Variants in CUL3 observed in about 807,000 individuals in gnomAD.
The protein encoded by CUL3 is cullin 3, also known as cullin-3.
CUL3 carries 19 observed loss-of-function variants against 89.1 expected under a neutral mutation model. The observed-to-expected ratio is 0.21, with a 90% CI of 0.15 to 0.31. The LOEUF (loss-of-function observed/expected upper bound fraction) is 0.31. Ranked by LOEUF, CUL3 falls within the 10% of genes least tolerant of loss-of-function variation. The pLI is 1.00. For synonymous variants in CUL3, 351 were observed against 308.4 expected (o/e 1.14, Z -1.45); for missense variants, 469 against 942.3 (o/e 0.50, Z 6.58).
At chr2:224,553,923 T>C (rs765735513) in intron 2 of CUL3, among the ~76,000 whole-genome samples, 2 of 152,214 alleles carry the variant, frequency 1.3e-5, no homozygotes, top group Admixed American at 6.5e-5. Flanking sequence ...GGGACCACTT[T>C]AAGCAACTTA....
intron 2 of CUL3, among the ~76,000 whole-genome samples, chr2:224,544,067 G>C (rs1051903959): frequency 2.0e-5 from 3 of 152,040 alleles, no homozygotes; most frequent in East Asian, 1.9e-4. Context: ...AACTGCCCAG[G>C]GAAGTCACTA....
At chr2:224,538,663 T>C (rs1693979633) in intron 2 of CUL3, among the ~76,000 whole-genome samples, 1 of 152,004 alleles carries the variant, frequency 6.6e-6, no homozygotes, top group Non-Finnish European at 1.5e-5. Flanking sequence ...GATAAAGAGT[T>C]GGAATTTGAG....
intron 10 of CUL3, among the ~76,000 whole-genome samples, chr2:224,500,793 T>C (rs1436273217): frequency 6.6e-6 from 1 of 151,954 alleles, no homozygotes; most frequent in Non-Finnish European, 1.5e-5. Context: ...CCTGGCTGAT[T>C]TTGTATTTTT....
In CUL3 at chr2:224,473,924, T is replaced by G. The variant is rs1367369201; in HGVS notation, c.*321A>C. 8.5e-6 allele frequency: 2 copies of G among 236,640 alleles called. No homozygotes were observed. Among genetic ancestry groups the G allele is most frequent in the Admixed American group, 5.4e-5 (1 of 18,688 alleles). 14.7% of individuals were successfully genotyped at this position (236,640 alleles called of 1,614,324 possible). On this transcript the variant is annotated 3_prime_UTR_variant, in exon 16 of 16. Coordinates refer to ENST00000264414, the MANE Select transcript of CUL3 (RefSeq NM_003590.5). Reference sequence around the variant, plus strand: ...CCTGGGGAAATGAAATCCAACAATTTTATTGTAATGAGCTGTATTTTCTAA... The same window carrying G: ...CCTGGGGAAATGAAATCCAACAATTGTATTGTAATGAGCTGTATTTTCTAA...
At chr2:224,546,500 G>T (rs776959854) in intron 2 of CUL3, among the ~76,000 whole-genome samples, 1 of 152,190 alleles carries the variant, frequency 6.6e-6, no homozygotes, top group Non-Finnish European at 1.5e-5. Context: ...ATGAACCAAG[G>T]TGGTTTCCAT....
rs541728381 is a variant in CUL3, at chr2:224,581,528, A to G, written c.66+3416T>C. Among the ~76,000 whole-genome samples, 690 of 148,720 alleles carry G rather than the reference A, an allele frequency of 4.6e-3. 5 individuals are homozygous for G. The highest frequency in any genetic ancestry group is 0.015 in the African/African-American group (586 of 40,360). ...CTTTTCTTTTTTTTTTTTTTGAGACAGTCTCACTCTGTTGCCCAGGCTGGA... is the reference window on the plus strand; with the variant it reads ...CTTTTCTTTTTTTTTTTTTTGAGACGGTCTCACTCTGTTGCCCAGGCTGGA... On this transcript the variant is annotated intron_variant, in intron 1 of 15. Transcript: ENST00000264414.
intron 3 of CUL3, among the ~76,000 whole-genome samples, chr2:224,519,506 T>TA (rs1693184686): frequency 6.6e-6 from 1 of 152,272 alleles, no homozygotes; most frequent in Admixed American, 6.5e-5. Context: ...TGTGTGATGA[T>TA]AATTAAATGA....
chr2:224,484,198 T>C (rs1450549244), intron 13 of CUL3, among the ~76,000 whole-genome samples: 1 of 151,896 alleles, frequency 6.6e-6, no homozygotes, highest in Non-Finnish European at 1.5e-5. Flanking sequence ...ATTTGATAAA[T>C]ACTAATGAAC....
intron 1 of CUL3, among the ~76,000 whole-genome samples, chr2:224,575,545 C>T (rs529363801): frequency 2.6e-5 from 4 of 152,096 alleles, no homozygotes; most frequent in Non-Finnish European, 5.9e-5. Flanking sequence ...GGCACATTAA[C>T]GTGAGAAGGA....
At chr2:224,540,620 A>G (rs1574673717) in intron 2 of CUL3, among the ~76,000 whole-genome samples, 1 of 152,304 alleles carries the variant, frequency 6.6e-6, no homozygotes, top group South Asian at 2.1e-4. Context: ...CTTCTTCAAC[A>G]TGAGTATGTT....
Position 224,476,356 on chromosome 2 carries a change from T to C in CUL3, c.2175+1844A>G, listed in dbSNP as rs549664677. Among the ~76,000 whole-genome samples, 48 of 152,328 alleles carry C rather than the reference T, an allele frequency of 3.2e-4. 1 individual carries two copies. The highest frequency in any genetic ancestry group is 3.9e-4 in the Admixed American group (6 of 15,306). On this transcript the variant is annotated intron_variant, in intron 15 of 15. Transcript: ENST00000264414. ...ATCTATAGCTGCTTTCATGCTACAATTGGCCATTTACAAAAACATCTGCCA... is the reference window on the plus strand; with the variant it reads ...ATCTATAGCTGCTTTCATGCTACAACTGGCCATTTACAAAAACATCTGCCA...
Position 224,497,860 on chromosome 2 carries a change from T to C in CUL3, c.1611-11A>G, listed in dbSNP as rs749769313. ...TTGGCTAAGTAGAACCTTCAGTAAA[T>C]CAAACCAGGTTTTAGAAAATCAAAC... On this transcript the variant is annotated splice_polypyrimidine_tract_variant and intron_variant, in intron 11 of 15. Transcript: ENST00000264414. 4 of 1,604,240 alleles carry C rather than the reference T, an allele frequency of 2.5e-6. No homozygotes were observed. In the Admixed American group the frequency reaches 6.7e-5, roughly 27 times the overall value.
intron 2 of CUL3, among the ~76,000 whole-genome samples, chr2:224,547,845 T>C (rs886283489): frequency 2.0e-5 from 3 of 152,164 alleles, no homozygotes; most frequent in Admixed American, 6.5e-5. Flanking sequence ...GTCTGTTTAA[T>C]TGACATAAAG....
intron 12 of CUL3, 122 bp downstream of exon 12, chr2:224,497,631 C>G: frequency 1.4e-6 from 1 of 703,554 alleles, no homozygotes; most frequent in Non-Finnish European, 2.4e-6. Flanking sequence ...TTTAACCTTT[C>G]TAACATGTGA....
intron 3 of CUL3, among the ~76,000 whole-genome samples, chr2:224,535,001 AAAATAAATAAATAAATAAATAAAT>A (rs201253756): frequency 0.097 from 12,978 of 133,112 alleles, 837 homozygotes; most frequent in East Asian, 0.26. Context: ...ACCCCGTCTC[AAAATAAATAAATAAATAAATAAAT>A]AAATAAATAA....
chr2:224,503,573 AT>A, intron 9 of CUL3, 78 bp downstream of exon 9: 2 of 1,185,444 alleles, frequency 1.7e-6, no homozygotes, highest in Non-Finnish European at 1.1e-6. Context: ...TACCAAATTA[AT>A]TTCCAATCAC....
chr2:224,524,731 T>C (rs1228631329), intron 3 of CUL3, among the ~76,000 whole-genome samples: 3 of 151,992 alleles, frequency 2.0e-5, no homozygotes. Context: ...CCTCCACAAT[T>C]TTTCACAAAC....
intron 2 of CUL3, among the ~76,000 whole-genome samples, chr2:224,537,938 C>T (rs1474882886): frequency 6.6e-6 from 1 of 151,858 alleles, no homozygotes; most frequent in Admixed American, 6.6e-5. Flanking sequence ...CTGATTTGTA[C>T]ATTTTATAAA....
intron 2 of CUL3, among the ~76,000 whole-genome samples, chr2:224,539,178 AAAG>A (rs755325692): frequency 3.3e-5 from 5 of 152,254 alleles, no homozygotes; most frequent in Non-Finnish European, 5.9e-5. Flanking sequence ...ACACCTAACC[AAAG>A]AAGATATACA....
Sources: gnomAD v4.1 joint callset for allele counts (sites outside exome capture counted in the v4.1 genomes callset) on GRCh38, gnomAD v4.1.1 for gene constraint, MANE v1.5 for transcripts, NCBI Gene and HGNC (gene_info 2026-07-23, HGNC 2026-07-21) for gene names.